Variants in ADCY4 observed in about 807,000 individuals in gnomAD.
ADCY4 encodes adenylate cyclase 4.
A neutral mutation model predicts 125.5 loss-of-function variants in ADCY4; 111 were observed. The ratio of observed to expected loss-of-function variants is 0.88; its 90% CI spans 0.76 to 1.04. The LOEUF (loss-of-function observed/expected upper bound fraction) is 1.04. Ranked by LOEUF, ADCY4 falls within the 50% of genes least tolerant of loss-of-function variation. ADCY4 has a pLI of 0.00. For synonymous variants in ADCY4, 576 were observed against 586.9 expected, an observed-to-expected ratio of 0.98 and a Z score of 0.27; for missense variants, 1,256 against 1,382.9, an observed-to-expected ratio of 0.91 and a Z score of 1.46.
chr14:24,318,621 C>A, intron 24 of ADCY4, 33 bp downstream of exon 24: 2 of 1,614,024 alleles, frequency 1.2e-6, no homozygotes, highest in Non-Finnish European at 1.7e-6. Context: ...TCTTAGTCCC[C>A]CTCCCCCTAT....
At chr14:24,323,121 T>C in intron 17 of ADCY4, 33 bp from the exon 18 acceptor site, 2 of 1,608,412 alleles carry the variant, frequency 1.2e-6, no homozygotes, top group Non-Finnish European at 1.7e-6. Context: ...GGAGTGGGCA[T>C]GTCCCATAGG....
chr14:24,324,627 C>T (rs977791910), intron 14 of ADCY4, among the ~76,000 whole-genome samples: 5 of 151,738 alleles, frequency 3.3e-5, no homozygotes, highest in Admixed American at 3.3e-4. Context: ...GGAGTGGGGG[C>T]TCACAAGAAT....
At chr14:24,318,853 G>A in intron 23 of ADCY4, 75 bp from the exon 24 acceptor site, 4 of 1,597,698 alleles carry the variant, frequency 2.5e-6, no homozygotes, top group Non-Finnish European at 3.4e-6. Context: ...CTGGAAGGAA[G>A]GGAGAAGAGC....
intron 8 of ADCY4, 145 bp from the exon 9 acceptor site, chr14:24,329,678 C>A (rs542623301): frequency 1.1e-5 from 15 of 1,413,316 alleles, no homozygotes; most frequent in African/African-American, 1.4e-5. Context: ...CAAGAAAGAG[C>A]CTGTGTTACA....
In ADCY4 at chr14:24,322,080, T is replaced by C. The variant is rs1334111819; in HGVS notation, c.2572A>G (p.Asn858Asp). 2 of 1,613,506 alleles carry C rather than the reference T, an allele frequency of 1.2e-6. No individual in the cohort carries two copies. Among genetic ancestry groups the C allele is most frequent in the Admixed American group, 1.7e-5 (1 of 60,000 alleles). Residue 858 changes from asparagine (N) to aspartate (D), a missense_variant, in exon 20 of 25, where the codon AAC becomes GAC. Coordinates refer to ENST00000418030, the MANE Select transcript of ADCY4 (RefSeq NM_001198568.2). ...TCAGGAGTCACCTCGTTGCGCCGGT[T>C]CTGGCCAATGAACTGGGGGGCCACG... ...AHVAPQFIGQ[N>D]RRNEDLYHQS...
rs2042110621 is a variant in ADCY4, at chr14:24,334,959, G to A, written c.-307C>T. 3.6e-6 allele frequency: 1 copy of A among 277,840 alleles called. No individual in the cohort carries two copies. The highest frequency in any genetic ancestry group is 2.2e-5 in the African/African-American group (1 of 45,278). The allele number at this position is 277,840 out of a possible 1,614,324, so 17.2% of individuals were successfully genotyped here. Reference sequence around the variant, plus strand: ...TTTGGGGTTGGTGCGAGGGAGCCCCGGGTTCCCCTGATCCCCGAACTCACT... The same window carrying A: ...TTTGGGGTTGGTGCGAGGGAGCCCCAGGTTCCCCTGATCCCCGAACTCACT... On this transcript the variant is annotated 5_prime_UTR_variant, in exon 1 of 25. Coordinates refer to ENST00000418030, the MANE Select transcript of ADCY4 (RefSeq NM_001198568.2).
Position 24,319,454 on chromosome 14 carries a change from T to G in ADCY4, c.2734-18A>C. On this transcript the variant is annotated intron_variant, in intron 21 of 24. Transcript: ENST00000418030. The surrounding 1 kb of genome is among the most constrained non-coding windows in gnomAD (Gnocchi z 4.5). ...GAGAGCAGCTGTATATAGAGAAGAG[T>G]CCTGTCCCCAGTCTCTCTTACTCTC... 1.2e-6 allele frequency: 2 copies of G among 1,607,914 alleles called. No homozygotes were observed. The highest frequency in any genetic ancestry group is 1.7e-6 in the Non-Finnish European group (2 of 1,174,648).
rs1235829905 is a variant in ADCY4 at position 24,334,734 on chromosome 14, C to T, written c.-82G>A. On this transcript the variant is annotated 5_prime_UTR_variant, in exon 1 of 25. Transcript: ENST00000418030. Reference sequence around the variant, plus strand: ...TTCGGCCCGGCGGGCCCCACCTGAGCTTTTCTCACCCGCTCAAAGCCGCTA... The same window carrying T: ...TTCGGCCCGGCGGGCCCCACCTGAGTTTTTCTCACCCGCTCAAAGCCGCTA... The T allele has an allele frequency of 4.2e-6, 5 of 1,192,470 alleles. 1 individual carries two copies. The Admixed American group carries it at 8.9e-5, about 21-fold the overall frequency. The allele number at this position is 1,192,470 out of a possible 1,614,324, so 73.9% of individuals were successfully genotyped here.
At chr14:24,322,009 A>T (rs1286913233) in intron 20 of ADCY4, 57 bp downstream of exon 20, 1 of 1,544,400 alleles carries the variant, frequency 6.5e-7, no homozygotes, top group Non-Finnish European at 8.8e-7. Context: ...CAAGGCTTTC[A>T]TCTGAAATTA....
Position 24,329,508 on chromosome 14 carries a change from G to T in ADCY4, c.1243C>A (p.Leu415Met). 1 of 1,553,732 alleles carries T rather than the reference G, an allele frequency of 6.4e-7. No individual in the cohort carries two copies. The highest frequency in any genetic ancestry group is 8.7e-7 in the Non-Finnish European group (1 of 1,153,532). Reference sequence around the variant, plus strand: ...GCATAAGCCCCTGCCAGCAGGGCCAGGGTAGCCCCTGTGATGTGCACTCGC... The same window carrying T: ...GCATAAGCCCCTGCCAGCAGGGCCATGGTAGCCCCTGTGATGTGCACTCGC... ...PGRVHITGAT[L>M]ALLAGAYAVE... Residue 415 changes from leucine to methionine, a missense_variant, in exon 9 of 25, where the codon CTG becomes ATG. By Grantham distance (15) the Leu-to-Met change is conservative. Coordinates refer to ENST00000418030, the MANE Select transcript of ADCY4 (RefSeq NM_001198568.2).
At position 24,326,096 on chromosome 14, in the gene ADCY4, C is replaced by T. The variant is rs766610373; in HGVS notation, c.1638G>A (p.Glu546=). 1 of 1,584,362 alleles carries T rather than the reference C, an allele frequency of 6.3e-7. No homozygotes were observed. Among genetic ancestry groups the T allele is most frequent in the Non-Finnish European group, 8.6e-7 (1 of 1,162,922 alleles). Residue 546 remains glutamate, a synonymous_variant, in exon 12 of 25, where the codon GAG becomes GAA. Coordinates refer to ENST00000418030, the MANE Select transcript of ADCY4 (RefSeq NM_001198568.2). ...TGDAKFFQVI[E]QLNSQKQWKQ... is the part of the protein sequence containing the mutation. Reference sequence around the variant, plus strand: ...CTCCGTACTTCTGCGAGTTGAGCTGCTCAATGACCTGGAAGAACTTGGCAT... The same window carrying T: ...CTCCGTACTTCTGCGAGTTGAGCTGTTCAATGACCTGGAAGAACTTGGCAT...
intron 19 of ADCY4, 148 bp downstream of exon 19, chr14:24,322,476 G>T: frequency 2.2e-6 from 2 of 928,024 alleles, no homozygotes; most frequent in Non-Finnish European, 1.6e-6. Context: ...AGAAAGGAGG[G>T]GCAGGGAGTG....
chr14:24,331,191 G>C lies in ADCY4; in HGVS notation c.818+17C>G. 2 of 1,614,002 alleles carry C rather than the reference G, an allele frequency of 1.2e-6. No individual in the cohort carries two copies. Among genetic ancestry groups the C allele is most frequent in the Non-Finnish European group, 1.7e-6 (2 of 1,179,896 alleles). On this transcript the variant is annotated intron_variant, in intron 5 of 24. Transcript: ENST00000418030. ...TTAGCCCACAGGCCCCTCCCCTCCA[G>C]CCATTCTTCCTCATACCTGACTCCC...
At chr14:24,322,804 CTG>C (rs2041875500) in intron 18 of ADCY4, 96 bp from the exon 19 acceptor site, 1 of 1,546,852 alleles carries the variant, frequency 6.5e-7, no homozygotes, top group African/African-American at 1.4e-5. Context: ...CCACTTTGCC[CTG>C]TGGGTGATTC....
chr14:24,331,171 C>A, intron 5 of ADCY4, 37 bp downstream of exon 5: 1 of 1,613,560 alleles, frequency 6.2e-7, no homozygotes, highest in African/African-American at 1.3e-5. Context: ...GGGTCTTAGC[C>A]CACAGGCCCC....
Position 24,326,098 on chromosome 14 carries a change from C to T in ADCY4, c.1636G>A (p.Glu546Lys), listed in dbSNP as rs751638719. The part of the protein sequence containing the change: ...TGDAKFFQVI[E>K]QLNSQKQWKQ... ...CCGTACTTCTGCGAGTTGAGCTGCT[C>T]AATGACCTGGAAGAACTTGGCATCC... Residue 546 changes from glutamate to lysine, a missense_variant, in exon 12 of 25, where the codon GAG (glutamate) becomes AAG (lysine). Glu to Lys is a moderately conservative substitution (Grantham distance 56, BLOSUM62 1). Transcript: ENST00000418030. The T allele has an allele frequency of 6.3e-7, 1 of 1,584,880 alleles. No individual in the cohort carries two copies. Among genetic ancestry groups the T allele is most frequent in the Non-Finnish European group, 8.6e-7 (1 of 1,163,194 alleles).
At chr14:24,320,777 T>A (rs1312956928) in intron 20 of ADCY4, among the ~76,000 whole-genome samples, 1 of 152,188 alleles carries the variant, frequency 6.6e-6, no homozygotes, top group African/African-American at 2.4e-5. Flanking sequence ...GGGTGGCCAC[T>A]AGCTACGAGT....
At position 24,324,135 on chromosome 14, in the gene ADCY4, G is replaced by A. The variant is rs758331246; in HGVS notation, c.1973C>T (p.Thr658Ile). 5 of 1,614,244 alleles carry A rather than the reference G, an allele frequency of 3.1e-6. No homozygotes were observed. The highest frequency in any genetic ancestry group is 3.4e-6 in the Non-Finnish European group (4 of 1,180,026). The stretch of plus-strand genomic sequence containing the variant: ...CAAGGCTATTCTCAGTCCTGGTCGT[G>A]TGGCCACCAGGCCAGACAGTGCAGG... ...WLPALSGLVATRPGLRIALGT... is the reference protein window; with the variant it reads ...WLPALSGLVAIRPGLRIALGT... Residue 658 changes from threonine (T) to isoleucine (I), a missense_variant, in exon 16 of 25, where the codon ACA becomes ATA. Thr to Ile is a moderately conservative substitution (Grantham distance 89). Transcript: ENST00000418030.
rs776398305 is a variant in ADCY4 at position 24,325,461 on chromosome 14, G to T, written c.1739C>A (p.Ala580Glu). 6.2e-7 allele frequency: 1 copy of T among 1,613,744 alleles called. No homozygotes were observed. The highest frequency in any genetic ancestry group is 1.1e-5 in the South Asian group (1 of 91,074). Residue 580 changes from alanine to glutamate, a missense_variant, in exon 14 of 25, where the codon GCA (alanine) becomes GAA (glutamate). Transcript: ENST00000418030. ...KEMEKEYRLS[A>E]IPAFKYYEAC... ...TTCATAGTATTTGAAGGCGGGGATT[G>T]CAGAGAGTCGGTACTGAAAGTGAGA...
Sources: allele counts gnomAD v4.1 joint callset (sites outside exome capture counted in the v4.1 genomes callset), GRCh38; gene constraint gnomAD v4.1.1; non-coding constraint Gnocchi (gnomAD v3.1); transcripts MANE v1.5; gene names NCBI Gene and HGNC (gene_info 2026-07-23, HGNC 2026-07-21).